Variants in RCC1L observed in about 807,000 individuals in gnomAD.
RCC1L encodes the protein RCC1-like G exchanging factor-like protein.
Under a neutral mutation model 58.6 loss-of-function variants are expected in RCC1L, and 46 were observed. The ratio of observed to expected loss-of-function variants is 0.79; its 90% confidence interval spans 0.62 to 1.00. The LOEUF is 1.00. Among genes scored for constraint, RCC1L ranks in the 50% least tolerant of loss-of-function variants. The pLI is 0.00. For synonymous variants in RCC1L, 281 were observed against 262.9 expected (o/e 1.07, Z -0.67); for missense variants, 636 against 623.6 (o/e 1.02, Z -0.21).
At chr7:75,032,876 A>G (rs893117435) in intron 10 of RCC1L, among the ~76,000 whole-genome samples, 5 of 151,900 alleles carry the variant, frequency 3.3e-5, no homozygotes, top group African/African-American at 1.2e-4. Flanking sequence ...GTTCAAGACC[A>G]CCCTGGTCAA....
intron 9 of RCC1L, 94 bp downstream of exon 9, chr7:75,055,807 G>A (rs956648221): frequency 4.1e-5 from 60 of 1,472,592 alleles, no homozygotes; most frequent in Non-Finnish European, 5.3e-5. Context: ...TGTTGGATGG[G>A]TGGAACCTGA....
Position 75,052,562 on chromosome 7 carries a change from G to A in RCC1L, c.1317+149C>T, listed in dbSNP as rs1805944953. 4 of 708,704 alleles carry A rather than the reference G, an allele frequency of 5.6e-6. No homozygotes were observed. The African/African-American group carries it at 7.0e-5, about 12-fold the overall frequency. 43.9% of individuals were successfully genotyped at this position (708,704 alleles called of 1,614,324 possible). On this transcript the variant is annotated intron_variant, in intron 10 of 10. Transcript: ENST00000610322. ...CACAGAGTGTGCAATGACATAGCAT[G>A]CCGCGCTGCAGGAGTGCAGCCAGGA... is the stretch of plus-strand genomic sequence containing the variant.
chr7:75,041,929 A>G (rs1316663989), downstream of RCC1L, among the ~76,000 whole-genome samples: 1 of 151,756 alleles, frequency 6.6e-6, no homozygotes, highest in Non-Finnish European at 1.5e-5. Context: ...CTTCTAAACT[A>G]TTTTTCAGTT....
intron 10 of RCC1L, among the ~76,000 whole-genome samples, chr7:75,031,143 A>G (rs1279432462): frequency 2.0e-5 from 3 of 152,254 alleles, no homozygotes; most frequent in East Asian, 3.9e-4. Flanking sequence ...CTCTTTCTCT[A>G]TGCCAAAATC....
chr7:75,060,161 T>C (rs1451098208), intron 6 of RCC1L, among the ~76,000 whole-genome samples: 1 of 152,244 alleles, frequency 6.6e-6, no homozygotes, highest in Non-Finnish European at 1.5e-5. Flanking sequence ...TTTTAATCAG[T>C]ATCATGCATT....
At chr7:75,066,971 C>A (rs889581219) in intron 2 of RCC1L, among the ~76,000 whole-genome samples, 179 bp from the exon 3 acceptor site, 3 of 152,184 alleles carry the variant, frequency 2.0e-5, no homozygotes, top group Non-Finnish European at 4.4e-5. Flanking sequence ...ATGGCATGGG[C>A]TGTCTCTATT....
intron 3 of RCC1L, 105 bp downstream of exon 3, chr7:75,066,559 T>C (rs1428986392): frequency 1.3e-6 from 2 of 1,487,366 alleles, no homozygotes; most frequent in Non-Finnish European, 1.8e-6. Flanking sequence ...TTTCACTCAT[T>C]AGATGTGGCT....
chr7:75,038,835 C>T (rs974620013), downstream of RCC1L, among the ~76,000 whole-genome samples: 4 of 152,160 alleles, frequency 2.6e-5, no homozygotes, highest in Non-Finnish European at 5.9e-5. Context: ...GTGAAGCCAC[C>T]TGTGCCAGTG....
In RCC1L at chr7:75,073,548, A is replaced by G; in HGVS notation, c.190T>C (p.Trp64Arg). Residue 64 changes from tryptophan to arginine, a missense_variant, in exon 1 of 11, where the codon TGG becomes CGG. Transcript: ENST00000610322. ...AGCGCCCCCGAGAAGCTGAAGCCCC[A>G]CACGAAGACGCGATCGGCGCGGGCA... ...RAARADRVFV[W>R]GFSFSGALGV... is the part of the protein sequence containing the mutation. 2 of 1,504,068 alleles carry G rather than the reference A, an allele frequency of 1.3e-6. No individual in the cohort carries two copies. The highest frequency in any genetic ancestry group is 1.8e-6 in the Non-Finnish European group (2 of 1,134,926). The allele number at this position is 1,504,068 out of a possible 1,614,324, so 93.2% of individuals were successfully genotyped here.
intron 10 of RCC1L, among the ~76,000 whole-genome samples, chr7:75,046,129 G>T (rs1238643150): frequency 6.6e-6 from 1 of 152,250 alleles, no homozygotes; most frequent in Non-Finnish European, 1.5e-5. Flanking sequence ...CCTGGCCACA[G>T]CAGATGGATG....
chr7:75,065,866 A>T (rs1806455055), intron 3 of RCC1L, among the ~76,000 whole-genome samples: 1 of 151,704 alleles, frequency 6.6e-6, no homozygotes, highest in Non-Finnish European at 1.5e-5. Flanking sequence ...AAAAATACAA[A>T]AATTAGCCAG....
intron 4 of RCC1L, among the ~76,000 whole-genome samples, chr7:75,064,191 C>A (rs11768900): frequency 1.7e-4 from 26 of 151,920 alleles, no homozygotes; most frequent in South Asian, 4.2e-4. Context: ...TTAGCCGGGC[C>A]TGCTGGCACG....
At position 75,028,141 on chromosome 7, in the gene RCC1L, G is replaced by A. The variant is rs1248765697; in HGVS notation, c.1318-62C>T. ...ATTTTTTTTTTTTTTTTTTTGAGAC[G>A]GAGTCTTGCTCTGTCGCCCAGGCTG... is the stretch of plus-strand genomic sequence containing the variant. On this transcript the variant is annotated intron_variant, in intron 10 of 10. Transcript: ENST00000614461. 1.3e-5 allele frequency: 17 copies of A among 1,311,172 alleles called. No individual in the cohort carries two copies. In the African/African-American group the frequency reaches 1.6e-4, roughly 12 times the overall value. The allele number at this position is 1,311,172 out of a possible 1,614,324, so 81.2% of individuals were successfully genotyped here. A position where few individuals can be genotyped will look rare whatever the true frequency, so the allele number is the denominator to read the frequency against.
At chr7:75,041,766 A>T (rs1805572535), downstream of RCC1L, among the ~76,000 whole-genome samples, 1 of 150,260 alleles carries the variant, frequency 6.7e-6, no homozygotes, top group Non-Finnish European at 1.5e-5. Flanking sequence ...CGGGAGGCTG[A>T]GGCAGGAGAA....
Position 75,070,752 on chromosome 7 carries a change from G to C in RCC1L, c.342C>G (p.Cys114Trp). Residue 114 changes from cysteine to tryptophan, a missense_variant, in exon 2 of 11, where the codon TGC becomes TGG. Physicochemically the swap from Cys to Trp is radical, Grantham distance 215 (BLOSUM62 -2). Transcript: ENST00000610322. ...AGGACAGCAGTGTGAATCCATAGCC[G>C]CAAGCAGCAGATGAAATCTGAAAAG... ...ELDQKISSAACGYGFTLLSSK... is the reference protein window; with the variant it reads ...ELDQKISSAAWGYGFTLLSSK... The C allele has an allele frequency of 6.2e-7, 1 of 1,613,960 alleles. No individual in the cohort carries two copies. The highest frequency in any genetic ancestry group is 1.1e-5 in the South Asian group (1 of 91,072).
intron 10 of RCC1L, among the ~76,000 whole-genome samples, chr7:75,035,190 C>T (rs961211716): frequency 1.3e-5 from 2 of 152,264 alleles, no homozygotes; most frequent in Middle Eastern, 3.4e-3. Flanking sequence ...ACTGCCACAC[C>T]CAGCTAATTT....
downstream of RCC1L, among the ~76,000 whole-genome samples, chr7:75,038,364 G>A (rs1416797625): frequency 2.0e-5 from 3 of 152,006 alleles, no homozygotes; most frequent in African/African-American, 7.2e-5. Flanking sequence ...CAATTCTCCC[G>A]CCTCAGCCTC....
chr7:75,033,071 CAAAAAAAAAAA>C (rs71098024), intron 10 of RCC1L, among the ~76,000 whole-genome samples: 24 of 70,156 alleles, frequency 3.4e-4, no homozygotes, highest in Admixed American at 2.6e-3. Context: ...GACTTTGTCT[CAAAAAAAAAAA>C]AAAAAAAAAA....
At chr7:75,065,255 C>A (rs1806428482) in intron 3 of RCC1L, among the ~76,000 whole-genome samples, 1 of 151,948 alleles carries the variant, frequency 6.6e-6, no homozygotes, top group Admixed American at 6.6e-5. Flanking sequence ...GCACACTCAG[C>A]CAGAAAATGA....
Sources: gnomAD v4.1 joint callset for allele counts (sites outside exome capture counted in the v4.1 genomes callset) on GRCh38, gnomAD v4.1.1 for gene constraint, MANE v1.5 for transcripts, NCBI Gene and HGNC (gene_info 2026-07-23, HGNC 2026-07-21) for gene names.